The following NREP variants were observed in gnomAD, a reference collection of about 807,000 sequenced individuals.
NREP encodes the protein neuronal regeneration related protein, also known as neuronal regeneration-related protein.
A neutral mutation model predicts 8.6 loss-of-function variants in NREP; 5 were observed. The ratio of observed to expected loss-of-function variants is 0.58; its 90% confidence interval spans 0.30 to 1.22. The LOEUF (loss-of-function observed/expected upper bound fraction) is 1.22. Among genes scored for constraint, NREP ranks in the 50% most tolerant of loss-of-function variants. The pLI is 0.07. For missense variants in NREP, 86 were observed against 82.5 expected (o/e 1.04, Z -0.17); for synonymous variants, 27 against 28.0 (o/e 0.96, Z 0.11).
At chr5:111,924,529 A>G (rs1350624815) in intron 2 of NREP, among the ~76,000 whole-genome samples, 2 of 152,038 alleles carry the variant, frequency 1.3e-5, no homozygotes, top group Non-Finnish European at 2.9e-5. Context: ...TTGGATTAGC[A>G]AAGTATAGGG....
At chr5:111,883,046 G>A (rs1754131060) in intron 2 of NREP, among the ~76,000 whole-genome samples, 1 of 152,220 alleles carries the variant, frequency 6.6e-6, no homozygotes, top group Non-Finnish European at 1.5e-5. Flanking sequence ...TGGATGAAGA[G>A]TCAAGACCCA....
intron 2 of NREP, among the ~76,000 whole-genome samples, chr5:111,747,974 T>C (rs1455651766): frequency 3.3e-5 from 5 of 152,182 alleles, no homozygotes; most frequent in Non-Finnish European, 5.9e-5. Context: ...TTTGGTCTAC[T>C]GTCATGACTG....
intron 2 of NREP, among the ~76,000 whole-genome samples, chr5:111,773,305 A>G (rs1399274094): frequency 2.0e-5 from 3 of 152,146 alleles, no homozygotes; most frequent in Non-Finnish European, 4.4e-5. Context: ...AACATACATA[A>G]AAACTAATAA....
At chr5:111,955,605 G>A (rs552963654) in intron 2 of NREP, among the ~76,000 whole-genome samples, 17 of 152,106 alleles carry the variant, frequency 1.1e-4, no homozygotes, top group African/African-American at 3.4e-4. Flanking sequence ...GGGGAACTTC[G>A]TGGAGATTTT....
intron 2 of NREP, among the ~76,000 whole-genome samples, chr5:111,904,009 C>T (rs1000055706): frequency 6.6e-6 from 1 of 152,074 alleles, no homozygotes; most frequent in Non-Finnish European, 1.5e-5. Context: ...TTACATAGAA[C>T]ATTAATACTT....
intron 2 of NREP, among the ~76,000 whole-genome samples, chr5:111,818,164 C>G (rs900179545): frequency 5.3e-5 from 8 of 152,080 alleles, no homozygotes; most frequent in Non-Finnish European, 1.2e-4. Context: ...ATAATTAGAT[C>G]ATACATTTTT....
chr5:111,828,033 A>AT lies in NREP; in HGVS notation c.136-92527dup, dbSNP rs776838938. Reference sequence around the variant, plus strand: ...ATACAAAATATATATTTCCTTTAGAATTTTTTTTTTTTTAAGACGGAGTTT... The same window carrying AT: ...ATACAAAATATATATTTCCTTTAGAATTTTTTTTTTTTTTAAGACGGAGTTT... On this transcript the variant is annotated intron_variant, in intron 2 of 3. Transcript: ENST00000395634. Among the ~76,000 whole-genome samples, 325 of 146,606 alleles carry AT rather than the reference A, an allele frequency of 2.2e-3. 2 individuals carry two copies. The highest frequency in any genetic ancestry group is 0.011 in the Admixed American group (163 of 14,736).
intron 2 of NREP, among the ~76,000 whole-genome samples, chr5:111,895,245 G>C (rs1754480673): frequency 6.6e-6 from 1 of 152,184 alleles, no homozygotes; most frequent in Admixed American, 6.5e-5. Flanking sequence ...CTCAGGAATT[G>C]ATGGTAGTGA....
At chr5:111,957,478 T>C (rs577201536) in intron 2 of NREP, among the ~76,000 whole-genome samples, 1 of 152,078 alleles carries the variant, frequency 6.6e-6, no homozygotes, top group South Asian at 2.1e-4. Flanking sequence ...AAATAATACC[T>C]ATCTTATATG....
intron 2 of NREP, among the ~76,000 whole-genome samples, chr5:111,779,355 C>T (rs1751438880): frequency 6.6e-6 from 1 of 152,186 alleles, no homozygotes; most frequent in Non-Finnish European, 1.5e-5. Context: ...CACAGCTCTG[C>T]ACCTGCTTTG....
chr5:111,840,730 C>G (rs1025198590), intron 2 of NREP, among the ~76,000 whole-genome samples: 1 of 152,090 alleles, frequency 6.6e-6, no homozygotes, highest in African/African-American at 2.4e-5. Context: ...ATGAATCAGA[C>G]ACAATCTTTT....
intron 2 of NREP, among the ~76,000 whole-genome samples, chr5:111,920,870 G>A (rs752283569): frequency 6.6e-6 from 1 of 152,116 alleles, no homozygotes; most frequent in Non-Finnish European, 1.5e-5. Context: ...CACTGTGTGA[G>A]CCATCTTGTC....
intron 2 of NREP, among the ~76,000 whole-genome samples, chr5:111,741,558 A>G (rs1292549920): frequency 6.6e-6 from 1 of 152,134 alleles, no homozygotes; most frequent in Non-Finnish European, 1.5e-5. Context: ...CCAAAAGATG[A>G]TGCACTGTGC....
At chr5:111,921,744 A>G (rs1197338128) in intron 2 of NREP, among the ~76,000 whole-genome samples, 1 of 152,108 alleles carries the variant, frequency 6.6e-6, no homozygotes, top group Non-Finnish European at 1.5e-5. Flanking sequence ...TCAAATCTCA[A>G]CTTGAATTGT....
intron 2 of NREP, among the ~76,000 whole-genome samples, chr5:111,955,163 A>G (rs1756273366): frequency 6.6e-6 from 1 of 152,154 alleles, no homozygotes; most frequent in Non-Finnish European, 1.5e-5. Flanking sequence ...GAATAAGTAA[A>G]AGGTTATGGT....
chr5:111,824,551 G>A (rs989810543), intron 2 of NREP, among the ~76,000 whole-genome samples: 2 of 152,054 alleles, frequency 1.3e-5, no homozygotes, highest in Non-Finnish European at 2.9e-5. Context: ...GAAAGCCCAT[G>A]TTTTTTCAAA....
intron 2 of NREP, among the ~76,000 whole-genome samples, chr5:111,748,468 C>G (rs1750147187): frequency 6.6e-6 from 1 of 152,160 alleles, no homozygotes; most frequent in Non-Finnish European, 1.5e-5. Context: ...TCCATGACCA[C>G]TGACTCATTC....
At chr5:111,913,250 T>C (rs1581212865) in intron 2 of NREP, among the ~76,000 whole-genome samples, 1 of 152,122 alleles carries the variant, frequency 6.6e-6, no homozygotes, top group Admixed American at 6.6e-5. Context: ...AATTCTAAAT[T>C]CTTTTACTCT....
chr5:111,728,863 G>GAA (rs1748319723), downstream of NREP: 1 of 152,062 alleles, frequency 6.6e-6, no homozygotes, highest in Admixed American at 6.6e-5. Flanking sequence ...TTTGTCTGAG[G>GAA]AAAAGTGCAC....
Sources: allele counts gnomAD v4.1 joint callset (sites outside exome capture counted in the v4.1 genomes callset), GRCh38; gene constraint gnomAD v4.1.1; transcripts MANE v1.5; gene names NCBI Gene and HGNC (gene_info 2026-07-23, HGNC 2026-07-21).